SULT1E1: variants seen among roughly 807,000 people sequenced by gnomAD.
SULT1E1 encodes sulfotransferase 1E1.
SULT1E1 carries 36 observed loss-of-function variants against 33.6 expected under a neutral mutation model. The observed-to-expected ratio is 1.07, with a 90% confidence interval of 0.82 to 1.41. SULT1E1 has a LOEUF of 1.41. Ranked by LOEUF, SULT1E1 falls within the 40% of genes most tolerant of loss-of-function variation. SULT1E1 has a pLI of 0.00. For synonymous variants in SULT1E1, 121 were observed against 111.7 expected (o/e 1.08, Z -0.53); for missense variants, 371 against 345.7 (o/e 1.07, Z -0.58).
intron 2 of SULT1E1, 125 bp downstream of exon 2, chr4:69,857,375 T>C (rs984861852): frequency 1.7e-6 from 2 of 1,207,420 alleles, no homozygotes; most frequent in African/African-American, 3.1e-5. Flanking sequence ...TCTATGTCCA[T>C]ATCAAAACTA....
At chr4:69,850,392 T>C (rs1229380550) in intron 4 of SULT1E1, among the ~76,000 whole-genome samples, 1 of 152,066 alleles carries the variant, frequency 6.6e-6, no homozygotes, top group Non-Finnish European at 1.5e-5. Flanking sequence ...AAGGATGCTG[T>C]TGAGTATCCA....
rs752490814 is a variant in SULT1E1, at chr4:69,841,455, C to T, written c.*539G>A. 6.6e-6 allele frequency: 1 copy of T among 152,398 alleles called. No homozygotes were observed. Among genetic ancestry groups the T allele is most frequent in the Non-Finnish European group, 1.5e-5 (1 of 68,208 alleles). 9.4% of individuals were successfully genotyped at this position (152,398 alleles called of 1,614,324 possible). A position where few individuals can be genotyped will look rare whatever the true frequency, so the allele number is the denominator to read the frequency against. Reference sequence around the variant, plus strand: ...CCTGGGCCAGGCATGGAGGCTCAAGCCTGTAATCCCAGTATTTTGGGAGGC... The same window carrying T: ...CCTGGGCCAGGCATGGAGGCTCAAGTCTGTAATCCCAGTATTTTGGGAGGC... On this transcript the variant is annotated 3_prime_UTR_variant, in exon 8 of 8. Transcript: ENST00000226444.
chr4:69,854,388 G>C (rs1394176009), intron 3 of SULT1E1, 74 bp from the exon 4 acceptor site: 1 of 885,770 alleles, frequency 1.1e-6, no homozygotes. Context: ...ATAGATATTT[G>C]TAAAATAGAA....
intron 7 of SULT1E1, among the ~76,000 whole-genome samples, chr4:69,843,616 T>C (rs762926332): frequency 6.6e-6 from 1 of 152,230 alleles, no homozygotes; most frequent in Non-Finnish European, 1.5e-5. Flanking sequence ...TAACTGGCTA[T>C]ATCTCATCAG....
downstream of SULT1E1, chr4:69,838,608 T>G (rs541562943): frequency 3.3e-5 from 5 of 152,214 alleles, no homozygotes; most frequent in Non-Finnish European, 2.9e-5. Context: ...CTCTTTTCTT[T>G]TTCTTTCCCT....
intron 6 of SULT1E1, 28 bp from the exon 7 acceptor site, chr4:69,844,369 A>C (rs752565185): frequency 3.9e-6 from 6 of 1,549,866 alleles, no homozygotes; most frequent in Non-Finnish European, 4.4e-6. Flanking sequence ...TTTGAGAACT[A>C]AATTGCTAAA....
chr4:69,825,674 G>A, the SULT1E1 span, among the ~76,000 whole-genome samples: 4 of 152,248 alleles, frequency 2.6e-5, no homozygotes, highest in African/African-American at 9.6e-5. Context: ...TGAGCCGAGT[G>A]TCAATAGAGA....
the SULT1E1 span, among the ~76,000 whole-genome samples, chr4:69,824,005 A>C: frequency 4.6e-5 from 7 of 152,146 alleles, no homozygotes; most frequent in African/African-American, 1.7e-4. Flanking sequence ...CCTGGCACTG[A>C]CTCATTGGGG....
At chr4:69,826,846 C>A in the SULT1E1 span, among the ~76,000 whole-genome samples, 1 of 152,158 alleles carries the variant, frequency 6.6e-6, no homozygotes, top group African/African-American at 2.4e-5. Context: ...CACAACTATG[C>A]AAATCTTGCA....
At chr4:69,843,503 C>T (rs769760369) in intron 7 of SULT1E1, among the ~76,000 whole-genome samples, 1 of 152,072 alleles carries the variant, frequency 6.6e-6, no homozygotes, top group Non-Finnish European at 1.5e-5. Flanking sequence ...GTTCAAAGAG[C>T]AAGATTTGAT....
At chr4:69,859,705 A>C (rs1721325355) in intron 1 of SULT1E1, among the ~76,000 whole-genome samples, 1 of 152,064 alleles carries the variant, frequency 6.6e-6, no homozygotes, top group Non-Finnish European at 1.5e-5. Context: ...CACAAAACTA[A>C]AAGTCAATCT....
the SULT1E1 span, among the ~76,000 whole-genome samples, chr4:69,827,991 C>T: frequency 2.6e-5 from 4 of 152,212 alleles, no homozygotes; most frequent in Non-Finnish European, 5.9e-5. Context: ...CACACTGCCC[C>T]AGAGGGCAAA....
At chr4:69,859,787 G>C (rs1273143233) in intron 1 of SULT1E1, among the ~76,000 whole-genome samples, 1 of 151,998 alleles carries the variant, frequency 6.6e-6, no homozygotes, top group Non-Finnish European at 1.5e-5. Context: ...CCAGCATTCA[G>C]CACTTTTAAG....
chr4:69,847,859 C>T (rs1191687138), intron 5 of SULT1E1, 67 bp from the exon 6 acceptor site: 1 of 863,974 alleles, frequency 1.2e-6, no homozygotes, highest in Non-Finnish European at 1.9e-6. Flanking sequence ...AACTAGTGTT[C>T]AAGCAACAAT....
At chr4:69,827,203 AT>A in the SULT1E1 span, among the ~76,000 whole-genome samples, 12 of 152,264 alleles carry the variant, frequency 7.9e-5, no homozygotes, top group African/African-American at 2.6e-4. Context: ...ATGTCATGCT[AT>A]TGTTAGACCA....
chr4:69,836,306 C>T (rs942149857), downstream of SULT1E1, among the ~76,000 whole-genome samples: 6 of 152,154 alleles, frequency 3.9e-5, no homozygotes, highest in Non-Finnish European at 7.3e-5. Flanking sequence ...CAGTCTTGAG[C>T]AAGTCATTTA....
the SULT1E1 span, among the ~76,000 whole-genome samples, chr4:69,827,403 G>A: frequency 2.9e-4 from 44 of 152,160 alleles, no homozygotes; most frequent in South Asian, 5.2e-3. Context: ...GACTGGAGTC[G>A]CAAACATCTG....
At chr4:69,844,642 A>T (rs1009144316) in intron 6 of SULT1E1, among the ~76,000 whole-genome samples, 4 of 152,180 alleles carry the variant, frequency 2.6e-5, no homozygotes, top group Admixed American at 2.6e-4. Flanking sequence ...GAAAACAAAC[A>T]TCATACTCAA....
Position 69,842,119 on chromosome 4 carries a change from A to G in SULT1E1, c.773-13T>C, listed in dbSNP as rs371384979. The G allele has an allele frequency of 6.8e-7, 1 of 1,460,368 alleles. No individual in the cohort carries two copies. Among genetic ancestry groups the G allele is most frequent in the African/African-American group, 1.4e-5 (1 of 71,264 alleles). 90.5% of individuals were successfully genotyped at this position (1,460,368 alleles called of 1,614,324 possible). A position where few individuals can be genotyped will look rare whatever the true frequency, so the allele number is the denominator to read the frequency against. On this transcript the variant is annotated splice_polypyrimidine_tract_variant and intron_variant, in intron 7 of 7. Coordinates refer to ENST00000226444, the MANE Select transcript of SULT1E1 (RefSeq NM_005420.3). ...TCTCCTGTAATTCCTGTAACAAAAA[A>G]GAAAGCTCAATAAATATTAAGTCTT...
Sources: gnomAD v4.1 joint callset for allele counts (sites outside exome capture counted in the v4.1 genomes callset) on GRCh38, gnomAD v4.1.1 for gene constraint, MANE v1.5 for transcripts, NCBI Gene and HGNC (gene_info 2026-07-23, HGNC 2026-07-21) for gene names.